Variants in FMN1 observed in about 807,000 individuals in gnomAD.
FMN1 encodes formin-1.
Under a neutral mutation model 132.4 loss-of-function variants are expected in FMN1, and 110 were observed. That is an observed-to-expected ratio of 0.83 (90% confidence interval 0.71 to 0.97). FMN1 has a LOEUF of 0.97. Ranked by LOEUF, FMN1 falls within the 50% of genes least tolerant of loss-of-function variation. The pLI is 0.00. For synonymous variants in FMN1, 722 were observed against 651.7 expected (o/e 1.11, Z -1.64); for missense variants, 1,792 against 1,705.3 (o/e 1.05, Z -0.90).
chr15:33,150,432 T>C (rs2140275100), intron 4 of FMN1: 1 of 985,474 alleles, frequency 1.0e-6, no homozygotes, highest in East Asian at 1.1e-4. Flanking sequence ...TTCTTGTTAG[T>C]ATATTCTCTA....
Position 33,088,976 on chromosome 15 carries a change from T to G in FMN1, c.1868-2A>C. On this transcript the variant is annotated splice_acceptor_variant, in intron 4 of 20. Coordinates refer to ENST00000616417, the MANE Select transcript of FMN1 (RefSeq NM_001277313.2). LOFTEE classifies it high-confidence loss of function. ...AGGGAAAGCCCTCAGAGGAGATACC[T>G]AAACAAACACAGAGAAGGCCATCAG... 6.5e-7 allele frequency: 1 copy of G among 1,529,480 alleles called. No individual in the cohort carries two copies. The highest frequency in any genetic ancestry group is 1.4e-5 in the African/African-American group (1 of 72,806). The allele number at this position is 1,529,480 out of a possible 1,614,324, so 94.7% of individuals were successfully genotyped here.
intron 16 of FMN1, among the ~76,000 whole-genome samples, chr15:32,864,253 T>C (rs1459637727): frequency 6.6e-6 from 1 of 152,192 alleles, no homozygotes; most frequent in Non-Finnish European, 1.5e-5. Flanking sequence ...GCAGGAGTAT[T>C]TTAAATCTTG....
rs1309749735 is a variant in FMN1, at chr15:32,879,706, T to A, written c.3835+8466A>T. 5.9e-5 allele frequency among the ~76,000 whole-genome samples: 9 copies of A among 152,144 alleles called. 1 individual carries two copies. The East Asian group carries it at 1.7e-3, about 29-fold the overall frequency. On this transcript the variant is annotated intron_variant, in intron 16 of 20. Transcript: ENST00000616417. The stretch of plus-strand genomic sequence containing the variant: ...TGAGAGTCACAGAGGCTAAGTGATG[T>A]GGCAAAGTGCATGGTTTATCATGTG...
intron 7 of FMN1, among the ~76,000 whole-genome samples, chr15:32,977,349 TA>T (rs2032292435): frequency 6.6e-6 from 1 of 152,162 alleles, no homozygotes; most frequent in Non-Finnish European, 1.5e-5. Flanking sequence ...AGTATGCCAA[TA>T]CACAAAAAAA....
intron 4 of FMN1, among the ~76,000 whole-genome samples, chr15:33,122,913 T>A (rs530905547): frequency 1.3e-5 from 2 of 152,306 alleles, no homozygotes; most frequent in East Asian, 3.9e-4. Flanking sequence ...CAGCATGTAC[T>A]ATGTGCCAGG....
chr15:32,872,009 C>T (rs1315982970), intron 16 of FMN1, among the ~76,000 whole-genome samples: 1 of 150,702 alleles, frequency 6.6e-6, no homozygotes, highest in Non-Finnish European at 1.5e-5. Flanking sequence ...CAGCATAAAA[C>T]TAGGTTTGAG....
chr15:32,791,822 A>AAT (rs1294718798), intron 19 of FMN1, among the ~76,000 whole-genome samples: 12 of 152,194 alleles, frequency 7.9e-5, no homozygotes, highest in African/African-American at 2.9e-4. Context: ...GCCTAAGAGG[A>AAT]ATAGGCCTTA....
chr15:32,826,508 T>A (rs2058370886), intron 17 of FMN1, among the ~76,000 whole-genome samples: 1 of 152,140 alleles, frequency 6.6e-6, no homozygotes, highest in Non-Finnish European at 1.5e-5. Flanking sequence ...AAGGAAGATT[T>A]AGTGAAAAGA....
rs1468435057 is a variant in FMN1 at position 33,085,499 on chromosome 15, GTATT to G, written c.2043+3296_2043+3299del. Among the ~76,000 whole-genome samples the G allele has an allele frequency of 8.0e-5, 12 of 150,344 alleles. No individual in the cohort carries two copies. In the South Asian group the frequency reaches 1.9e-3, roughly 24 times the overall value. ...CTAATATATACTGTTTAATTACACA[GTATT>G]TATATATACAAATATATATATCACA... is the stretch of plus-strand genomic sequence containing the variant. On this transcript the variant is annotated intron_variant, in intron 5 of 20. Transcript: ENST00000616417.
intron 6 of FMN1, among the ~76,000 whole-genome samples, chr15:33,013,947 A>G (rs533766131): frequency 6.6e-6 from 1 of 152,344 alleles, no homozygotes; most frequent in African/African-American, 2.4e-5. Flanking sequence ...AGATATCGCT[A>G]TGACTAATTC....
intron 6 of FMN1, among the ~76,000 whole-genome samples, chr15:33,030,434 G>C (rs2035883663): frequency 2.0e-5 from 3 of 152,170 alleles, no homozygotes; most frequent in Admixed American, 2.0e-4. Flanking sequence ...TCACTCTGTG[G>C]ATCTACGTTC....
intron 17 of FMN1, among the ~76,000 whole-genome samples, chr15:32,805,829 T>C (rs951502471): frequency 1.6e-4 from 24 of 152,174 alleles, no homozygotes; most frequent in African/African-American, 4.6e-4. Flanking sequence ...ACAGGCCCTT[T>C]TGGCAGTCTA....
chr15:33,111,501 C>T (rs760906095), intron 4 of FMN1, among the ~76,000 whole-genome samples: 2 of 152,146 alleles, frequency 1.3e-5, no homozygotes, highest in Non-Finnish European at 2.9e-5. Context: ...AATATAAAAG[C>T]ACATGTCCAC....
intron 7 of FMN1, among the ~76,000 whole-genome samples, chr15:32,989,362 G>A (rs1291323871): frequency 1.3e-5 from 2 of 152,154 alleles, no homozygotes; most frequent in African/African-American, 4.8e-5. Context: ...GAAGCCTTAG[G>A]GAATTAGAGA....
intron 4 of FMN1, among the ~76,000 whole-genome samples, chr15:33,104,494 A>AT (rs2039408784): frequency 3.2e-5 from 4 of 125,634 alleles, no homozygotes; most frequent in African/African-American, 1.5e-4. Flanking sequence ...GAAAGCCACA[A>AT]CCACCCTGGT....
At chr15:33,047,876 TAAAA>T (rs1174310882) in intron 6 of FMN1, among the ~76,000 whole-genome samples, 2 of 151,534 alleles carry the variant, frequency 1.3e-5, no homozygotes, top group East Asian at 3.9e-4. Flanking sequence ...GTAATCCAAT[TAAAA>T]AAAAACTTAG....
At chr15:32,789,620 T>C (rs2056999864) in intron 19 of FMN1, among the ~76,000 whole-genome samples, 1 of 152,298 alleles carries the variant, frequency 6.6e-6, no homozygotes, top group South Asian at 2.1e-4. Flanking sequence ...ATAAATTTAG[T>C]GTAGCCTAAA....
intron 4 of FMN1, among the ~76,000 whole-genome samples, chr15:33,125,146 G>C (rs887207570): frequency 1.2e-4 from 18 of 152,264 alleles, no homozygotes; most frequent in African/African-American, 4.1e-4. Flanking sequence ...TGATGCGGTA[G>C]AATGCAGAGT....
chr15:33,090,087 A>G lies in FMN1; in HGVS notation c.1868-1113T>C, dbSNP rs143204844. On this transcript the variant is annotated intron_variant, in intron 4 of 20. Coordinates refer to ENST00000616417, the MANE Select transcript of FMN1 (RefSeq NM_001277313.2). ...CTTCTAATGTTTCATACAGCACTCAAGTTCCTAGTCCTCTTTTAATTCCTG... is the reference window on the plus strand; with the variant it reads ...CTTCTAATGTTTCATACAGCACTCAGGTTCCTAGTCCTCTTTTAATTCCTG... Among the ~76,000 whole-genome samples, 120 of 152,334 alleles carry G rather than the reference A, an allele frequency of 7.9e-4. No homozygotes were observed. In the East Asian group the frequency reaches 0.022, roughly 27 times the overall value.
Sources: allele counts gnomAD v4.1 joint callset (sites outside exome capture counted in the v4.1 genomes callset), GRCh38; gene constraint gnomAD v4.1.1; transcripts MANE v1.5; gene names NCBI Gene and HGNC (gene_info 2026-07-23, HGNC 2026-07-21).